Variants in TCF4 observed in about 807,000 individuals in gnomAD.
TCF4 encodes transcription factor 4, also known as SL3-3 enhancer factor 2.
TCF4 carries 3 observed loss-of-function variants against 82.1 expected under a neutral mutation model. That is an observed-to-expected ratio of 0.04 (90% CI 0.02 to 0.09). The LOEUF is 0.09. TCF4 is among the 10% of genes least tolerant of loss of function. TCF4 has a pLI of 1.00. For missense variants in TCF4, 518 were observed against 852.7 expected, an observed-to-expected ratio of 0.61 and a Z score of 4.89; for synonymous variants, 276 against 309.6, an observed-to-expected ratio of 0.89 and a Z score of 1.14.
intron 6 of TCF4, among the ~76,000 whole-genome samples, chr18:55,352,493 A>C (rs944401914): frequency 6.6e-6 from 1 of 152,148 alleles, no homozygotes; most frequent in African/African-American, 2.4e-5. Context: ...AATAAACATT[A>C]CTTCAAAATA....
intron 2 of TCF4, among the ~76,000 whole-genome samples, chr18:55,617,588 G>T (rs2097713323): frequency 6.6e-6 from 1 of 151,994 alleles, no homozygotes. Context: ...TCATTTATTT[G>T]TGTCATCTTC....
chr18:55,297,898 A>G (rs1410485412), intron 8 of TCF4, among the ~76,000 whole-genome samples: 2 of 152,150 alleles, frequency 1.3e-5, no homozygotes, highest in East Asian at 1.9e-4. Flanking sequence ...GACACTATAT[A>G]TTACATGTAG....
intron 15 of TCF4, among the ~76,000 whole-genome samples, chr18:55,247,519 A>G (rs2053644983): frequency 6.6e-6 from 1 of 152,218 alleles, no homozygotes; most frequent in African/African-American, 2.4e-5. Context: ...ATAGCAAAAC[A>G]GGATATTGTT....
At chr18:55,549,339 A>G (rs1210018629) in intron 3 of TCF4, among the ~76,000 whole-genome samples, 2 of 152,172 alleles carry the variant, frequency 1.3e-5, no homozygotes, top group Non-Finnish European at 2.9e-5. Context: ...ATAAAAAAAA[A>G]AAAATTGACC....
intron 4 of TCF4, among the ~76,000 whole-genome samples, chr18:55,462,531 T>TTA (rs1432907618): frequency 1.3e-5 from 2 of 152,202 alleles, no homozygotes; most frequent in Non-Finnish European, 2.9e-5. Context: ...TGGTTTGAAA[T>TTA]TATTCACCAA....
At chr18:55,288,089 C>T (rs2064115448) in intron 8 of TCF4, among the ~76,000 whole-genome samples, 1 of 152,132 alleles carries the variant, frequency 6.6e-6, no homozygotes, top group African/African-American at 2.4e-5. Context: ...AACTCTGAGG[C>T]AGCAAAACTG....
intron 6 of TCF4, chr18:55,401,874 T>G: frequency 1.1e-6 from 1 of 871,950 alleles, no homozygotes; most frequent in Non-Finnish European, 1.4e-6. Flanking sequence ...CATGACCATC[T>G]GCAGAAAGGA....
intron 15 of TCF4, among the ~76,000 whole-genome samples, chr18:55,240,794 A>G (rs542817952): frequency 4.3e-4 from 66 of 152,346 alleles, no homozygotes; most frequent in Non-Finnish European, 7.9e-4. Context: ...AGTACATGTG[A>G]TTAAACCTTT....
intron 2 of TCF4, among the ~76,000 whole-genome samples, chr18:55,597,123 G>C (rs2097691774): frequency 6.6e-6 from 1 of 152,112 alleles, no homozygotes; most frequent in Non-Finnish European, 1.5e-5. Context: ...TAGGTTTCCT[G>C]AGGCCTCCCC....
chr18:55,270,737 T>C (rs2060176242), intron 10 of TCF4, among the ~76,000 whole-genome samples: 1 of 152,154 alleles, frequency 6.6e-6, no homozygotes, highest in African/African-American at 2.4e-5. Context: ...GCTGTGTTTC[T>C]TGGGTATGCC....
At chr18:55,431,481 C>T (rs1391024320) in intron 5 of TCF4, among the ~76,000 whole-genome samples, 6 of 152,028 alleles carry the variant, frequency 3.9e-5, no homozygotes, top group Non-Finnish European at 8.8e-5. Context: ...GGTTTCACCA[C>T]GTTGGCCAAG....
At chr18:55,319,045 G>C (rs1489194209) in intron 8 of TCF4, among the ~76,000 whole-genome samples, 1 of 152,142 alleles carries the variant, frequency 6.6e-6, no homozygotes, top group Admixed American at 6.5e-5. Context: ...TGGGAAAAAA[G>C]AAGGAATTCA....
intron 3 of TCF4, chr18:55,510,601 A>G: frequency 6.6e-7 from 1 of 1,515,132 alleles, no homozygotes; most frequent in Non-Finnish European, 8.8e-7. Flanking sequence ...CTTCCATATG[A>G]ATAGGAAGTA....
intron 3 of TCF4, among the ~76,000 whole-genome samples, chr18:55,477,499 A>C (rs1185571269): frequency 6.6e-6 from 1 of 152,224 alleles, no homozygotes; most frequent in Non-Finnish European, 1.5e-5. Flanking sequence ...GTACATTTTT[A>C]AACCATGTCA....
intron 6 of TCF4, among the ~76,000 whole-genome samples, chr18:55,365,531 C>G (rs891925072): frequency 1.3e-5 from 2 of 151,938 alleles, no homozygotes; most frequent in Non-Finnish European, 2.9e-5. Flanking sequence ...TGCTCTCCCC[C>G]AGCCAACAAT....
At chr18:55,543,159 C>A (rs2097178827) in intron 3 of TCF4, among the ~76,000 whole-genome samples, 1 of 152,052 alleles carries the variant, frequency 6.6e-6, no homozygotes, top group Non-Finnish European at 1.5e-5. Flanking sequence ...ATATTTACAT[C>A]ATCATCACAA....
At chr18:55,353,816 T>C (rs1455253703) in intron 6 of TCF4, among the ~76,000 whole-genome samples, 3 of 152,232 alleles carry the variant, frequency 2.0e-5, no homozygotes, top group African/African-American at 7.2e-5. Flanking sequence ...GTTTATATTA[T>C]GAATTTACCT....
In TCF4 at chr18:55,254,603, T is replaced by A; in HGVS notation, c.1244A>T (p.His415Leu). The A allele has an allele frequency of 6.2e-7, 1 of 1,613,692 alleles. No homozygotes were observed. The highest frequency in any genetic ancestry group is 2.2e-5 in the East Asian group (1 of 44,812). ...VGPSTAMPGG[H>L]GDMHGIIGPS... ...TCCAATGATTCCATGCATGTCCCCA[T>A]GACCACCAGGCATAGCTGTGGATGG... Residue 415 changes from histidine (H) to leucine (L), a missense_variant, in exon 15 of 20, where the codon CAT (histidine) becomes CTT (leucine). Around this residue, in one of 7 missense-constraint regions of TCF4, gnomAD observed 144 missense variants for 190.2 expected, o/e 0.76. Transcript: ENST00000354452.
chr18:55,287,342 T>C (rs145258368), intron 8 of TCF4, among the ~76,000 whole-genome samples: 6 of 152,350 alleles, frequency 3.9e-5, no homozygotes, highest in Non-Finnish European at 5.9e-5. Context: ...TCCCGGCTTC[T>C]AAATATCAGC....
Sources: allele counts gnomAD v4.1 joint callset (sites outside exome capture counted in the v4.1 genomes callset), GRCh38; gene constraint gnomAD v4.1.1; regional missense constraint gnomAD v4.1.1; transcripts MANE v1.5; gene names NCBI Gene and HGNC (gene_info 2026-07-23, HGNC 2026-07-21).